The following TJP1 variants were observed in gnomAD, a reference collection of about 807,000 sequenced individuals.
The protein encoded by TJP1 is tight junction protein 1, also known as tight junction protein ZO-1.
In TJP1, 43 loss-of-function variants were observed where a neutral mutation model predicts 194.2. That is an observed-to-expected ratio of 0.22 (90% CI 0.17 to 0.29). The LOEUF (loss-of-function observed/expected upper bound fraction) is 0.29. Among genes scored for constraint, TJP1 ranks in the 10% least tolerant of loss-of-function variants. TJP1 has a pLI of 1.00. For missense variants in TJP1, 1,971 were observed against 2,185.7 expected, an observed-to-expected ratio of 0.90 and a Z score of 1.96; for synonymous variants, 801 against 779.0, an observed-to-expected ratio of 1.03 and a Z score of -0.47.
intron 2 of TJP1, among the ~76,000 whole-genome samples, chr15:29,853,160 T>C (rs1404932300): frequency 1.3e-5 from 2 of 152,160 alleles, no homozygotes; most frequent in Non-Finnish European, 2.9e-5. Flanking sequence ...TTTCATTCTG[T>C]TTTGGGTTTT....
chr15:29,878,204 C>T (rs2152125289), intron 2 of TJP1, among the ~76,000 whole-genome samples: 1 of 152,086 alleles, frequency 6.6e-6, no homozygotes, highest in South Asian at 2.1e-4. Flanking sequence ...CGCCCGCTAC[C>T]ATGCTTGGCT....
In TJP1 at chr15:29,773,137, T is replaced by C. The variant is rs567088155; in HGVS notation, c.209+96A>G. On this transcript the variant is annotated intron_variant, in intron 3 of 27. Transcript: ENST00000614355. ...GCATGGCACAGGTGGAGTGTGAATA[T>C]GACAAAATCACTAAGACAGTGTAAG... The C allele has an allele frequency of 1.6e-5, 23 of 1,421,272 alleles. No homozygotes were observed. In the African/African-American group the frequency reaches 2.0e-4, roughly 12 times the overall value. 88.0% of individuals were successfully genotyped at this position (1,421,272 alleles called of 1,614,324 possible). A position where few individuals can be genotyped will look rare whatever the true frequency, so the allele number is the denominator to read the frequency against.
At chr15:29,949,350 C>T (rs2055449177) in intron 2 of TJP1, among the ~76,000 whole-genome samples, 3 of 139,900 alleles carry the variant, frequency 2.1e-5, no homozygotes, top group Non-Finnish European at 4.8e-5. Flanking sequence ...TCCACCACCA[C>T]CACCTCCACC....
intron 2 of TJP1, among the ~76,000 whole-genome samples, chr15:29,902,238 A>C (rs1596219254): frequency 6.6e-6 from 1 of 152,190 alleles, no homozygotes; most frequent in African/African-American, 2.4e-5. Flanking sequence ...GCACTTTTTA[A>C]AACTTTCCAC....
At chr15:29,800,803 A>C in intron 1 of TJP1, 101 bp from the exon 2 acceptor site, 1 of 1,142,394 alleles carries the variant, frequency 8.8e-7, no homozygotes, top group Non-Finnish European at 1.3e-6. Flanking sequence ...AAATACCAAA[A>C]TTCACAGTTA....
chr15:29,701,758 T>C, intron 27 of TJP1, 69 bp from the exon 28 acceptor site: 1 of 1,120,032 alleles, frequency 8.9e-7, no homozygotes, highest in South Asian at 1.3e-5. Flanking sequence ...TTTGCAATTA[T>C]AGGGCAAATA....
At chr15:29,952,378 C>T (rs913175393) in intron 2 of TJP1, among the ~76,000 whole-genome samples, 1 of 152,172 alleles carries the variant, frequency 6.6e-6, no homozygotes, top group Non-Finnish European at 1.5e-5. Flanking sequence ...AATTATCCTG[C>T]AGGGTTACAA....
Position 29,710,987 on chromosome 15 carries a change from C to T in TJP1, c.4216G>A (p.Glu1406Lys), listed in dbSNP as rs1257785625. ...SSYSSKGKPPEADGVDRSFGE... is the reference protein window; with the variant it reads ...SSYSSKGKPPKADGVDRSFGE... ...AATGATCTATCCACACCATCAGCTT[C>T]AGGAGGCTTTCCCCTGTTAACAAAT... is the stretch of plus-strand genomic sequence containing the variant. The change falls in exon 24 of 28, where the codon GAA (glutamate) becomes AAA (lysine). Residue 1406 changes from glutamate (E) to lysine (K), a missense_variant. Glu to Lys is a moderately conservative substitution (Grantham distance 56). This residue lies in a region of TJP1 where 1,108 missense variants were observed against 1,128.5 expected (regional missense o/e 0.98). Coordinates refer to ENST00000614355, the MANE Select transcript of TJP1 (RefSeq NM_001330239.4). 1 of 1,601,314 alleles carries T rather than the reference C, an allele frequency of 6.2e-7. No homozygotes were observed. The highest frequency in any genetic ancestry group is 8.5e-7 in the Non-Finnish European group (1 of 1,172,094).
At position 29,822,268 on chromosome 15, in the gene TJP1, G is replaced by C. The variant is rs938727973; in HGVS notation, c.-240C>G. Reference sequence around the variant, plus strand: ...GCGCCCGACCGGCACCTCCCTCCGAGCGCGGCCACCCACTCGGCCTCCCGC... The same window carrying C: ...GCGCCCGACCGGCACCTCCCTCCGACCGCGGCCACCCACTCGGCCTCCCGC... On this transcript the variant is annotated 5_prime_UTR_variant, in exon 1 of 28. Coordinates refer to ENST00000614355, the MANE Select transcript of TJP1 (RefSeq NM_001330239.4). 2.6e-6 allele frequency: 3 copies of C among 1,159,218 alleles called. No individual in the cohort carries two copies. The African/African-American group carries it at 4.8e-5, about 19-fold the overall frequency. The allele number at this position is 1,159,218 out of a possible 1,614,324, so 71.8% of individuals were successfully genotyped here. A position where few individuals can be genotyped will look rare whatever the true frequency, so the allele number is the denominator to read the frequency against.
intron 2 of TJP1, among the ~76,000 whole-genome samples, chr15:29,843,802 T>C (rs997208178): frequency 2.0e-5 from 3 of 152,038 alleles, no homozygotes; most frequent in African/African-American, 7.2e-5. Flanking sequence ...AGGAAGGGTG[T>C]GGTCTGCGTG....
At chr15:29,790,002 T>C (rs2151802456) in intron 2 of TJP1, among the ~76,000 whole-genome samples, 1 of 152,308 alleles carries the variant, frequency 6.6e-6, no homozygotes, top group African/African-American at 2.4e-5. Context: ...GACTGTGCAG[T>C]TGATCCCTCT....
chr15:29,734,198 T>A (rs1040925335), intron 12 of TJP1, 76 bp downstream of exon 12: 37 of 1,045,384 alleles, frequency 3.5e-5, no homozygotes, highest in Admixed American at 1.0e-4. Context: ...ACTTATTTTT[T>A]AAAAATGGAA....
chr15:29,950,044 C>CCACA (rs1491135693), intron 2 of TJP1, among the ~76,000 whole-genome samples: 10 of 54,506 alleles, frequency 1.8e-4, no homozygotes, highest in African/African-American at 5.1e-4. Context: ...CCACCACCTC[C>CCACA]ACCACCACCA....
At chr15:29,815,449 T>G (rs1417804490) in intron 1 of TJP1, among the ~76,000 whole-genome samples, 1 of 152,260 alleles carries the variant, frequency 6.6e-6, no homozygotes, top group Admixed American at 6.5e-5. Context: ...AGACATAAAC[T>G]ATCTTTTTAT....
In TJP1 at chr15:29,709,032, A is replaced by C. The variant is rs773870423; in HGVS notation, c.4377T>G (p.Asn1459Lys). 1 of 1,605,212 alleles carries C rather than the reference A, an allele frequency of 6.2e-7. No homozygotes were observed. Among genetic ancestry groups the C allele is most frequent in the Non-Finnish European group, 8.5e-7 (1 of 1,175,550 alleles). ...AATTCTGAAAATCCAATGACACTGA[A>C]TTACCTGAAAAACAAACGTAAGCAT... The part of the protein sequence containing the change: ...IHSKGAHGEG[N>K]SVSLDFQNSL... Residue 1459 changes from asparagine (N) to lysine (K), a missense_variant, in exon 25 of 28, where the codon AAT (asparagine) becomes AAG (lysine). This residue lies in a region of TJP1 where 1,108 missense variants were observed against 1,128.5 expected (regional missense o/e 0.98). Transcript: ENST00000614355.
At chr15:29,871,954 T>TA (rs2052540515) in intron 2 of TJP1, among the ~76,000 whole-genome samples, 1 of 152,238 alleles carries the variant, frequency 6.6e-6, no homozygotes, top group Non-Finnish European at 1.5e-5. Context: ...ATGGAAGGCC[T>TA]TAGAAATACT....
At position 29,766,542 on chromosome 15, in the gene TJP1, T is replaced by C. The variant is rs1239668555; in HGVS notation, c.313A>G (p.Thr105Ala). 2 of 1,538,110 alleles carry C rather than the reference T, an allele frequency of 1.3e-6. No individual in the cohort carries two copies. The highest frequency in any genetic ancestry group is 1.7e-6 in the Non-Finnish European group (2 of 1,145,542). ...TGAACTTTCTTCTTCCTTCTAATTG[T>C]CTGCAAGTTAAAAAGGTTAAAAAAT... The part of the protein sequence containing the change: ...LRKSGKNAKI[T>A]IRRKKKVQIP... The change falls in exon 5 of 28, where the codon ACA becomes GCA. Residue 105 changes from threonine (T) to alanine (A), a missense_variant and splice_region_variant. Transcript: ENST00000614355.
Position 29,700,266 on chromosome 15 carries a change from A to G in TJP1, c.*1329T>C, listed in dbSNP as rs41412345. On this transcript the variant is annotated 3_prime_UTR_variant, in exon 28 of 28. Coordinates refer to ENST00000614355, the MANE Select transcript of TJP1 (RefSeq NM_001330239.4). ...GAATGTAGTGGTGTATTATCTAAAC[A>G]GAAATCGTGCTGATGTGCCATAATA... 3.8e-3 allele frequency: 1,535 copies of G among 399,016 alleles called. 22 individuals carry two copies. The highest frequency in any genetic ancestry group is 0.028 in the African/African-American group (1,372 of 48,760). 24.7% of individuals were successfully genotyped at this position (399,016 alleles called of 1,614,324 possible). A position where few individuals can be genotyped will look rare whatever the true frequency, so the allele number is the denominator to read the frequency against.
chr15:29,852,698 T>TAGGA (rs1449235326), intron 2 of TJP1, among the ~76,000 whole-genome samples: 1 of 152,098 alleles, frequency 6.6e-6, no homozygotes, highest in East Asian at 1.9e-4. Context: ...CACCTGAGGT[T>TAGGA]AGGAGTTTGA....
Sources: allele counts gnomAD v4.1 joint callset (sites outside exome capture counted in the v4.1 genomes callset), GRCh38; gene constraint gnomAD v4.1.1; regional missense constraint gnomAD v4.1.1; transcripts MANE v1.5; gene names NCBI Gene and HGNC (gene_info 2026-07-23, HGNC 2026-07-21).